The following VPS13C variants were observed in gnomAD, a reference collection of about 807,000 sequenced individuals.
VPS13C encodes the protein vacuolar protein sorting 13 homolog C.
VPS13C carries 358 observed loss-of-function variants against 456.8 expected under a neutral mutation model. The ratio of observed to expected loss-of-function variants is 0.78; its 90% CI spans 0.72 to 0.86. The LOEUF (loss-of-function observed/expected upper bound fraction) is 0.86, where lower values mean the gene tolerates loss of function less well. VPS13C is among the 40% of genes least tolerant of loss of function. The pLI is 0.00. For missense variants in VPS13C, 4,818 were observed against 4,385.4 expected (o/e 1.10, Z -2.79); for synonymous variants, 1,578 against 1,486.7 (o/e 1.06, Z -1.41).
intron 49 of VPS13C, among the ~76,000 whole-genome samples, chr15:61,932,877 G>A (rs1288107056): frequency 6.6e-6 from 1 of 152,154 alleles, no homozygotes; most frequent in Non-Finnish European, 1.5e-5. Flanking sequence ...TCCTGATGTA[G>A]ACAATTTGGA....
intron 22 of VPS13C, among the ~76,000 whole-genome samples, chr15:61,979,227 T>C (rs893178398): frequency 6.6e-6 from 1 of 152,144 alleles, no homozygotes; most frequent in African/African-American, 2.4e-5. Context: ...AATTCAGGAG[T>C]ATACAAGGGA....
chr15:62,053,231 A>C (rs28433785), intron 1 of VPS13C, among the ~76,000 whole-genome samples: 4,379 of 152,298 alleles, frequency 0.029, 225 homozygotes, highest in African/African-American at 0.1. Context: ...TGGGAGGAAA[A>C]GACTAAAGAA....
chr15:62,028,924 T>C (rs189442940), intron 5 of VPS13C, among the ~76,000 whole-genome samples: 46 of 152,218 alleles, frequency 3.0e-4, no homozygotes, highest in African/African-American at 1.0e-3. Flanking sequence ...ACATAGCATC[T>C]TCTACTTCGC....
At chr15:62,049,071 G>T (rs1474310654) in intron 1 of VPS13C, among the ~76,000 whole-genome samples, 4 of 151,818 alleles carry the variant, frequency 2.6e-5, no homozygotes, top group Non-Finnish European at 5.9e-5. Flanking sequence ...CACTCTGATG[G>T]TAGTTTCTTT....
At chr15:61,983,034 G>A (rs1204436387) in intron 20 of VPS13C, among the ~76,000 whole-genome samples, 1 of 152,170 alleles carries the variant, frequency 6.6e-6, no homozygotes, top group Non-Finnish European at 1.5e-5. Flanking sequence ...GAGACTGGCT[G>A]TTCAACCATG....
rs573778402 is a variant in VPS13C at position 61,891,121 on chromosome 15, A to G, written c.9106-721T>C. Among the ~76,000 whole-genome samples, 68 of 152,348 alleles carry G rather than the reference A, an allele frequency of 4.5e-4. 1 individual carries two copies. The highest frequency in any genetic ancestry group is 1.4e-3 in the African/African-American group (60 of 41,588). The stretch of plus-strand genomic sequence containing the variant: ...TTTTTATATTTTCATGATCTATAAC[A>G]TAGGAAATATTTATGTAAATCACAC... On this transcript the variant is annotated intron_variant, in intron 66 of 84. Transcript: ENST00000644861.
At chr15:61,869,428 AATCTATTT>A in intron 80 of VPS13C, 64 bp downstream of exon 80, 1 of 1,529,220 alleles carries the variant, frequency 6.5e-7, no homozygotes, top group Non-Finnish European at 8.9e-7. Context: ...CAAATAATCT[AATCTATTT>A]ATGTATTCCT....
chr15:61,895,544 G>GATCA (rs1052220327), intron 66 of VPS13C, among the ~76,000 whole-genome samples: 27 of 152,170 alleles, frequency 1.8e-4, no homozygotes, highest in Non-Finnish European at 3.2e-4. Flanking sequence ...AATACAAAAG[G>GATCA]ATCATTAGAG....
At chr15:62,046,361 T>C (rs576008886) in intron 1 of VPS13C, among the ~76,000 whole-genome samples, 43 of 152,314 alleles carry the variant, frequency 2.8e-4, no homozygotes, top group African/African-American at 9.4e-4. Flanking sequence ...AAGACTAGCA[T>C]GTTCAGCAAC....
chr15:62,034,527 C>T (rs959275359), intron 4 of VPS13C, among the ~76,000 whole-genome samples: 7 of 151,524 alleles, frequency 4.6e-5, no homozygotes, highest in African/African-American at 1.7e-4. Flanking sequence ...CAATTATACA[C>T]ATTTTTGAAA....
Position 62,013,046 on chromosome 15 carries a change from T to C in VPS13C, c.818A>G (p.Gln273Arg), listed in dbSNP as rs760525531. The C allele has an allele frequency of 6.2e-7, 1 of 1,609,468 alleles. No individual in the cohort carries two copies. Among genetic ancestry groups the C allele is most frequent in the Non-Finnish European group, 8.5e-7 (1 of 1,177,688 alleles). Residue 273 changes from glutamine to arginine, a missense_variant, in exon 11 of 85, where the codon CAG becomes CGG. By Grantham distance (43) the Gln-to-Arg change is conservative. Around this residue, in one of 3 missense-constraint regions of VPS13C, gnomAD observed 4,552 missense variants for 4,130.6 expected, o/e 1.10. Transcript: ENST00000644861. ...AGTATACATTAATATTACCAAAATC[T>C]GTTCCCTTGATCTCTGGTAAGACAT... ...CSMSYQRSRE[Q>R]ILDQLKNEIL...
chr15:61,982,254 T>C (rs1056470099), intron 21 of VPS13C, among the ~76,000 whole-genome samples: 1 of 152,348 alleles, frequency 6.6e-6, no homozygotes, highest in African/African-American at 2.4e-5. Flanking sequence ...GGAAGAATCA[T>C]CTGTGCCCCA....
rs534541837 is a variant in VPS13C at position 62,034,297 on chromosome 15, G to T, written c.283+660C>A. ...TGTGGTAACAGCTACTGAAAATCAGGTATGCATAAACTAAAGACTGAAGAG... is the reference window on the plus strand; with the variant it reads ...TGTGGTAACAGCTACTGAAAATCAGTTATGCATAAACTAAAGACTGAAGAG... On this transcript the variant is annotated intron_variant, in intron 4 of 84. Transcript: ENST00000644861. Among the ~76,000 whole-genome samples the T allele has an allele frequency of 6.2e-4, 94 of 151,546 alleles. 1 individual carries two copies. Among genetic ancestry groups the T allele is most frequent in the South Asian group, 5.0e-3 (24 of 4,804 alleles).
At chr15:62,008,580 G>A in intron 14 of VPS13C, 75 bp downstream of exon 14, 2 of 980,800 alleles carry the variant, frequency 2.0e-6, no homozygotes, top group Non-Finnish European at 2.9e-6. Flanking sequence ...GGCTTTTAAA[G>A]GTTGCTTAAC....
chr15:61,929,871 G>C, intron 50 of VPS13C, 123 bp from the exon 51 acceptor site: 1 of 970,008 alleles, frequency 1.0e-6, no homozygotes, highest in South Asian at 1.9e-5. Flanking sequence ...ATAGAAAACA[G>C]GTCAACATTA....
intron 13 of VPS13C, among the ~76,000 whole-genome samples, chr15:62,009,834 A>C (rs1473274438): frequency 6.6e-6 from 1 of 152,176 alleles, no homozygotes; most frequent in South Asian, 2.1e-4. Flanking sequence ...AAATTAAAGA[A>C]ACAATATTTA....
intron 24 of VPS13C, 50 bp from the exon 25 acceptor site, chr15:61,974,467 G>C (rs557486637): frequency 6.3e-7 from 1 of 1,584,640 alleles, no homozygotes; most frequent in Non-Finnish European, 8.6e-7. Context: ...CATTACAAAC[G>C]AGGGAAAGAA....
At chr15:61,901,345 T>C (rs2042989709) in intron 66 of VPS13C, among the ~76,000 whole-genome samples, 1 of 151,922 alleles carries the variant, frequency 6.6e-6, no homozygotes, top group Non-Finnish European at 1.5e-5. Context: ...GGGAGAAAAG[T>C]TTCGCAACCT....
At chr15:62,030,905 G>C (rs1465058880) in intron 5 of VPS13C, among the ~76,000 whole-genome samples, 1 of 151,982 alleles carries the variant, frequency 6.6e-6, no homozygotes. Context: ...ATGTCATTTT[G>C]GCAAAACTAT....
Sources: gnomAD v4.1 joint callset for allele counts (sites outside exome capture counted in the v4.1 genomes callset) on GRCh38, gnomAD v4.1.1 for gene constraint, gnomAD v4.1.1 regional missense constraint, MANE v1.5 for transcripts, NCBI Gene and HGNC (gene_info 2026-07-23, HGNC 2026-07-21) for gene names.